Variants in SEMA5A observed in about 807,000 individuals in gnomAD.
SEMA5A encodes semaphorin-5A.
In SEMA5A, 55 loss-of-function variants were observed where a neutral mutation model predicts 135.5. The ratio of observed to expected loss-of-function variants is 0.41; its 90% confidence interval spans 0.33 to 0.51. The LOEUF (loss-of-function observed/expected upper bound fraction) is 0.51, where lower values mean the gene tolerates loss of function less well. Among genes scored for constraint, SEMA5A ranks in the 20% least tolerant of loss-of-function variants. The probability of loss-of-function intolerance (pLI) is 0.37; values close to 1 mark genes in which losing one functional copy is unlikely to be tolerated. For missense variants in SEMA5A, 1,290 were observed against 1,419.9 expected, an observed-to-expected ratio of 0.91 and a Z score of 1.47; for synonymous variants, 580 against 546.5, an observed-to-expected ratio of 1.06 and a Z score of -0.85.
intron 11 of SEMA5A, among the ~76,000 whole-genome samples, chr5:9,177,307 A>T (rs1744256831): frequency 6.6e-6 from 1 of 152,168 alleles, no homozygotes; most frequent in Non-Finnish European, 1.5e-5. Flanking sequence ...ACAGAAAATG[A>T]AGGTAGAGGA....
intron 1 of SEMA5A, among the ~76,000 whole-genome samples, chr5:9,446,227 G>A (rs571218161): frequency 6.6e-6 from 1 of 152,206 alleles, no homozygotes; most frequent in African/African-American, 2.4e-5. Context: ...CCTCAGTAAC[G>A]GAAATAAAGC....
At chr5:9,406,883 C>G (rs1281190052) in intron 2 of SEMA5A, among the ~76,000 whole-genome samples, 1 of 152,124 alleles carries the variant, frequency 6.6e-6, no homozygotes, top group Non-Finnish European at 1.5e-5. Flanking sequence ...ACAGTTATTA[C>G]CATGGAATTT....
rs1373192459 is a variant in SEMA5A, at chr5:9,271,000, T to TA, written c.271-33111dup. On this transcript the variant is annotated intron_variant, in intron 5 of 22. Coordinates refer to ENST00000382496, the MANE Select transcript of SEMA5A (RefSeq NM_003966.3). ...CTCCTTTTTAACATAAGGAACTTGA[T>TA]ACGGTTTTGTTCTCTGTCCCCACCC... 1.3e-5 allele frequency among the ~76,000 whole-genome samples: 2 copies of TA among 152,142 alleles called. 1 individual carries two copies. Among genetic ancestry groups the TA allele is most frequent in the Non-Finnish European group, 2.9e-5 (2 of 68,028 alleles).
chr5:9,251,542 T>C (rs1266230932), intron 5 of SEMA5A, among the ~76,000 whole-genome samples: 1 of 152,214 alleles, frequency 6.6e-6, no homozygotes. Context: ...GTTTTGACTA[T>C]GACTATGAGT....
At chr5:9,342,912 T>C (rs540155202) in intron 3 of SEMA5A, among the ~76,000 whole-genome samples, 3 of 152,228 alleles carry the variant, frequency 2.0e-5, no homozygotes, top group African/African-American at 7.2e-5. Flanking sequence ...TGCTATATTA[T>C]TAAACTTCAG....
rs1393187650 is a variant in SEMA5A at position 9,035,652 on chromosome 5, T to C, written c.*7245A>G. 6.6e-6 allele frequency: 1 copy of C among 152,098 alleles called. No homozygotes were observed. The highest frequency in any genetic ancestry group is 2.4e-5 in the African/African-American group (1 of 41,408). The allele number at this position is 152,098 out of a possible 1,614,324, so 9.4% of individuals were successfully genotyped here. ...ACAGGAAAGATAAAAGTCATGAACA[T>C]TAGAAATTTCTATTGCGCACATGTA... On this transcript the variant is annotated 3_prime_UTR_variant, in exon 23 of 23. Transcript: ENST00000382496.
At chr5:9,144,048 G>T (rs1742200998) in intron 12 of SEMA5A, among the ~76,000 whole-genome samples, 1 of 152,168 alleles carries the variant, frequency 6.6e-6, no homozygotes, top group African/African-American at 2.4e-5. Context: ...ACCAGAAACA[G>T]CTGTGTCTAT....
chr5:9,239,661 G>C (rs116104990), intron 5 of SEMA5A, among the ~76,000 whole-genome samples: 1 of 99,412 alleles, frequency 1.0e-5, no homozygotes, highest in African/African-American at 5.0e-5. Context: ...GAAAGAATAT[G>C]ATATATTCTT....
intron 2 of SEMA5A, among the ~76,000 whole-genome samples, chr5:9,393,518 T>C (rs1756256270): frequency 1.3e-5 from 2 of 152,242 alleles, no homozygotes; most frequent in African/African-American, 4.8e-5. Context: ...ATTAACCTTA[T>C]GCTTCAGTTC....
In SEMA5A at chr5:9,494,668, T is replaced by A. The variant is rs143527995; in HGVS notation, c.-175+50916A>T. Among the ~76,000 whole-genome samples the A allele has an allele frequency of 3.0e-3, 456 of 149,816 alleles. 2 individuals carry two copies. Among genetic ancestry groups the A allele is most frequent in the South Asian group, 1.9e-3 (9 of 4,652 alleles). On this transcript the variant is annotated intron_variant, in intron 1 of 22. Transcript: ENST00000382496. ...TTTAGAATTTCCACAATGTCCCTTA[T>A]CCTCCTAATTTTTTAATTCTGTGCA...
chr5:9,107,538 A>G (rs1276418917), intron 16 of SEMA5A, among the ~76,000 whole-genome samples: 1 of 152,196 alleles, frequency 6.6e-6, no homozygotes, highest in Non-Finnish European at 1.5e-5. Flanking sequence ...CAAACCGAAT[A>G]GAGTAGCCAT....
chr5:9,128,009 G>A (rs1336472604), intron 13 of SEMA5A, among the ~76,000 whole-genome samples: 2 of 152,182 alleles, frequency 1.3e-5, no homozygotes, highest in Non-Finnish European at 2.9e-5. Flanking sequence ...CTCCTGTCCT[G>A]GAGGGAACCT....
At chr5:9,229,157 G>C (rs1225339802) in intron 6 of SEMA5A, among the ~76,000 whole-genome samples, 1 of 152,168 alleles carries the variant, frequency 6.6e-6, no homozygotes, top group Non-Finnish European at 1.5e-5. Flanking sequence ...ATTCCTAACA[G>C]TAATAGTAAC....
intron 1 of SEMA5A, among the ~76,000 whole-genome samples, chr5:9,439,599 C>T (rs1758159792): frequency 6.6e-6 from 1 of 152,170 alleles, no homozygotes; most frequent in Non-Finnish European, 1.5e-5. Flanking sequence ...AGCTGGACAG[C>T]AAAACCACAC....
chr5:9,391,149 T>G (rs1756142648), intron 2 of SEMA5A, among the ~76,000 whole-genome samples: 1 of 152,194 alleles, frequency 6.6e-6, no homozygotes, highest in South Asian at 2.1e-4. Flanking sequence ...ACTAACTTCT[T>G]GTCGGGCCTG....
Position 9,338,460 on chromosome 5 carries a change from TAGAC to T in SEMA5A, c.125-652_125-649del, listed in dbSNP as rs571762515. 7.7e-4 allele frequency among the ~76,000 whole-genome samples: 117 copies of T among 152,280 alleles called. 1 individual carries two copies. Among genetic ancestry groups the T allele is most frequent in the Non-Finnish European group, 1.3e-3 (90 of 68,016 alleles). On this transcript the variant is annotated intron_variant, in intron 3 of 22. Coordinates refer to ENST00000382496, the MANE Select transcript of SEMA5A (RefSeq NM_003966.3). ...TTTTACAAGCACGGTTAACTCCTAT[TAGAC>T]AGCCTCCAGCCCAGAGTCCGATAAT...
chr5:9,053,185 T>C (rs1736688292), intron 19 of SEMA5A, among the ~76,000 whole-genome samples: 1 of 152,186 alleles, frequency 6.6e-6, no homozygotes, highest in Non-Finnish European at 1.5e-5. Flanking sequence ...ACCAAGCTAT[T>C]TCTGGGATGG....
chr5:9,251,447 T>C (rs2150489325), intron 5 of SEMA5A, among the ~76,000 whole-genome samples: 1 of 152,316 alleles, frequency 6.6e-6, no homozygotes, highest in African/African-American at 2.4e-5. Flanking sequence ...AGCTGTACTG[T>C]GTCTCAATTA....
At chr5:9,477,679 G>A (rs1371059259) in intron 1 of SEMA5A, among the ~76,000 whole-genome samples, 1 of 152,124 alleles carries the variant, frequency 6.6e-6, no homozygotes, top group African/African-American at 2.4e-5. Context: ...AAAGTTCTAA[G>A]CAACAAATTA....
Sources: allele counts gnomAD v4.1 joint callset (sites outside exome capture counted in the v4.1 genomes callset), GRCh38; gene constraint gnomAD v4.1.1; transcripts MANE v1.5; gene names NCBI Gene and HGNC (gene_info 2026-07-23, HGNC 2026-07-21).